Variants in ZFPM2 observed in about 807,000 individuals in gnomAD.
ZFPM2 encodes zinc finger protein ZFPM2.
Under a neutral mutation model 98.6 loss-of-function variants are expected in ZFPM2, and 20 were observed. That is an observed-to-expected ratio of 0.20 (90% confidence interval 0.14 to 0.29). ZFPM2 has a LOEUF of 0.29. Among genes scored for constraint, ZFPM2 ranks in the 10% least tolerant of loss-of-function variants. ZFPM2 has a pLI of 1.00. For missense variants in ZFPM2, 1,310 were observed against 1,388.6 expected (o/e 0.94, Z 0.90); for synonymous variants, 518 against 502.7 (o/e 1.03, Z -0.41).
At chr8:105,430,345 C>G (rs1811995937) in intron 2 of ZFPM2, among the ~76,000 whole-genome samples, 1 of 151,986 alleles carries the variant, frequency 6.6e-6, no homozygotes, top group Admixed American at 6.6e-5. Flanking sequence ...AAGAAGACAA[C>G]CAAGATCAAG....
At chr8:105,680,717 G>T (rs1810580573) in intron 5 of ZFPM2, among the ~76,000 whole-genome samples, 1 of 152,090 alleles carries the variant, frequency 6.6e-6, no homozygotes, top group African/African-American at 2.4e-5. Context: ...CACTTCACAA[G>T]AAAAAGAATA....
At chr8:105,672,216 A>T (rs1817610331) in intron 5 of ZFPM2, among the ~76,000 whole-genome samples, 1 of 151,816 alleles carries the variant, frequency 6.6e-6, no homozygotes, top group Non-Finnish European at 1.5e-5. Flanking sequence ...AAATTATTTT[A>T]TTTTTATCTG....
intron 5 of ZFPM2, among the ~76,000 whole-genome samples, chr8:105,744,497 T>C (rs1190981530): frequency 6.6e-6 from 1 of 152,110 alleles, no homozygotes; most frequent in Non-Finnish European, 1.5e-5. Flanking sequence ...GGTTACAGTT[T>C]AGTGAGAAAG....
At chr8:105,566,422 C>T (rs536514995) in intron 4 of ZFPM2, among the ~76,000 whole-genome samples, 23 of 152,218 alleles carry the variant, frequency 1.5e-4, no homozygotes, top group African/African-American at 5.1e-4. Flanking sequence ...CAAAGGACTA[C>T]TGATGAGGAA....
At chr8:105,778,082 G>T (rs1813147247) in intron 5 of ZFPM2, among the ~76,000 whole-genome samples, 2 of 152,254 alleles carry the variant, frequency 1.3e-5, no homozygotes, top group Admixed American at 1.3e-4. Flanking sequence ...CTCCAAAGCG[G>T]TTTTCAAAGA....
intron 5 of ZFPM2, chr8:105,690,914 A>C (rs1419622463): frequency 6.6e-6 from 1 of 152,216 alleles, no homozygotes; most frequent in Admixed American, 6.5e-5. Context: ...AGTTAAGCTC[A>C]AGTTAATTTC....
At chr8:105,392,645 C>T (rs1811132110) in intron 1 of ZFPM2, among the ~76,000 whole-genome samples, 1 of 152,028 alleles carries the variant, frequency 6.6e-6, no homozygotes, top group South Asian at 2.1e-4. Context: ...TAAAAAATAC[C>T]AACATTTATG....
At chr8:105,594,923 T>C (rs1386489445) in intron 4 of ZFPM2, among the ~76,000 whole-genome samples, 1 of 152,116 alleles carries the variant, frequency 6.6e-6, no homozygotes, top group Non-Finnish European at 1.5e-5. Flanking sequence ...TACATAAACA[T>C]ATAACTATAG....
chr8:105,737,273 G>A (rs1441730402), intron 5 of ZFPM2: 3 of 152,414 alleles, frequency 2.0e-5, no homozygotes, highest in African/African-American at 7.3e-5. Flanking sequence ...TATTTTCCTT[G>A]TTATGTACTA....
At chr8:105,556,962 GA>G (rs2130685341) in intron 3 of ZFPM2, among the ~76,000 whole-genome samples, 1 of 152,204 alleles carries the variant, frequency 6.6e-6, no homozygotes, top group Non-Finnish European at 1.5e-5. Context: ...ACCCTCAGGT[GA>G]TCCAATCACC....
chr8:105,785,023 A>C (rs1813370208), intron 5 of ZFPM2: 1 of 150,510 alleles, frequency 6.6e-6, no homozygotes, highest in Non-Finnish European at 1.5e-5. Context: ...CATTTTAATG[A>C]TCTCATCTTC....
At chr8:105,736,253 A>G (rs539377404) in intron 5 of ZFPM2, among the ~76,000 whole-genome samples, 95 of 152,110 alleles carry the variant, frequency 6.2e-4, no homozygotes, top group African/African-American at 2.1e-3. Context: ...AATCAAAGAA[A>G]TATGAGCCAG....
At chr8:105,538,440 C>T (rs1814505951) in intron 3 of ZFPM2, among the ~76,000 whole-genome samples, 1 of 152,096 alleles carries the variant, frequency 6.6e-6, no homozygotes. Context: ...ATGTTTAGAA[C>T]ACTGTTGAAA....
At chr8:105,731,288 T>C (rs535658451) in intron 5 of ZFPM2, among the ~76,000 whole-genome samples, 2 of 151,642 alleles carry the variant, frequency 1.3e-5, no homozygotes, top group African/African-American at 4.8e-5. Context: ...CAAATCCTGC[T>C]TGGATTTCCT....
intron 5 of ZFPM2, among the ~76,000 whole-genome samples, chr8:105,755,288 G>T (rs2131061305): frequency 6.6e-6 from 1 of 152,180 alleles, no homozygotes; most frequent in Middle Eastern, 3.4e-3. Flanking sequence ...GGAGAATAAA[G>T]CATGCTGCAA....
intron 5 of ZFPM2, among the ~76,000 whole-genome samples, chr8:105,641,745 A>G (rs1261383642): frequency 1.6e-4 from 25 of 152,142 alleles, no homozygotes; most frequent in Admixed American, 1.6e-3. Flanking sequence ...TATATGCTAT[A>G]TGATGTGAAA....
intron 4 of ZFPM2, among the ~76,000 whole-genome samples, chr8:105,567,351 C>T (rs768900459): frequency 1.5e-4 from 23 of 152,222 alleles, no homozygotes; most frequent in South Asian, 1.0e-3. Context: ...TTTCCTATTC[C>T]CAAAGGTTAT....
At chr8:105,372,479 T>C (rs1810644006) in intron 1 of ZFPM2, among the ~76,000 whole-genome samples, 1 of 152,176 alleles carries the variant, frequency 6.6e-6, no homozygotes, top group African/African-American at 2.4e-5. Flanking sequence ...ACAAAATAAA[T>C]TGTAGAAAAT....
At position 105,624,713 on chromosome 8, in the gene ZFPM2, G is replaced by A. The variant is rs1367644142; in HGVS notation, c.421-9533G>A. 2.6e-5 allele frequency among the ~76,000 whole-genome samples: 4 copies of A among 152,054 alleles called. No individual in the cohort carries two copies. In the East Asian group the frequency reaches 5.8e-4, roughly 22 times the overall value. On this transcript the variant is annotated intron_variant, in intron 4 of 7. Coordinates refer to ENST00000407775, the MANE Select transcript of ZFPM2 (RefSeq NM_012082.4). Reference sequence around the variant, plus strand: ...CTATTTGTATTTTCTCTTCTAACAGGATCATTACTTCTTATGCTGAAATTC... The same window carrying A: ...CTATTTGTATTTTCTCTTCTAACAGAATCATTACTTCTTATGCTGAAATTC...
Sources: gnomAD v4.1 joint callset for allele counts (sites outside exome capture counted in the v4.1 genomes callset) on GRCh38, gnomAD v4.1.1 for gene constraint, MANE v1.5 for transcripts, NCBI Gene and HGNC (gene_info 2026-07-23, HGNC 2026-07-21) for gene names.